Variants in SHTN1 observed in about 807,000 individuals in gnomAD.
SHTN1 encodes the protein shootin-1.
A neutral mutation model predicts 83.1 loss-of-function variants in SHTN1; 42 were observed. The observed-to-expected ratio is 0.51, with a 90% CI of 0.39 to 0.65. SHTN1 has a LOEUF of 0.65. Among genes scored for constraint, SHTN1 ranks in the 30% least tolerant of loss-of-function variants. The pLI is 0.00. For missense variants in SHTN1, 622 were observed against 737.8 expected (o/e 0.84, Z 1.82); for synonymous variants, 224 against 247.7 (o/e 0.90, Z 0.90).
chr10:117,113,171 T>G (rs1425121323), intron 1 of SHTN1, among the ~76,000 whole-genome samples: 2 of 152,334 alleles, frequency 1.3e-5, no homozygotes, highest in East Asian at 3.9e-4. Context: ...GAGGAGCCAT[T>G]CTTTGAGAAA....
chr10:116,941,381 T>C (rs2133398291), intron 8 of SHTN1, among the ~76,000 whole-genome samples: 1 of 152,380 alleles, frequency 6.6e-6, no homozygotes, highest in African/African-American at 2.4e-5. Flanking sequence ...GCAATTTATA[T>C]GTTATTCATC....
intron 1 of SHTN1, among the ~76,000 whole-genome samples, chr10:117,064,619 C>A (rs1271508817): frequency 1.4e-5 from 2 of 147,870 alleles, no homozygotes; most frequent in African/African-American, 5.0e-5. Context: ...CGTGCCACTG[C>A]ATTCCAGTCC....
chr10:117,099,043 C>CACA lies in SHTN1; in HGVS notation c.-189+27263_-189+27264insTGT, dbSNP rs975155213. Among the ~76,000 whole-genome samples the CACA allele has an allele frequency of 2.7e-3, 412 of 150,888 alleles. 2 individuals carry two copies. The highest frequency in any genetic ancestry group is 9.8e-3 in the African/African-American group (398 of 40,726). ...ACACACACACACACACACACACACA[C>CACA]ACCATAAAAAGGAACAAAATAATGT... On this transcript the variant is annotated intron_variant, in intron 1 of 17. Coordinates refer to the SHTN1 transcript ENST00000392901.
intron 8 of SHTN1, among the ~76,000 whole-genome samples, chr10:116,944,618 G>T (rs1376022045): frequency 6.6e-6 from 1 of 152,098 alleles, no homozygotes; most frequent in Non-Finnish European, 1.5e-5. Context: ...GGTTTTTACG[G>T]CTGGGCACGG....
At chr10:117,029,150 T>G (rs1054025602) in intron 2 of SHTN1, among the ~76,000 whole-genome samples, 1 of 152,200 alleles carries the variant, frequency 6.6e-6, no homozygotes, top group Non-Finnish European at 1.5e-5. Flanking sequence ...AGGAGATTAT[T>G]TTGGATCTTT....
intron 3 of SHTN1, 77 bp from the exon 4 acceptor site, chr10:116,960,307 G>C (rs777177591): frequency 5.0e-5 from 40 of 797,862 alleles, no homozygotes; most frequent in Non-Finnish European, 8.0e-5. Flanking sequence ...ATCGTCCCAT[G>C]ATTAAGAATA....
At chr10:116,934,123 C>T (rs1000480845) in intron 9 of SHTN1, among the ~76,000 whole-genome samples, 1 of 152,176 alleles carries the variant, frequency 6.6e-6, no homozygotes, top group South Asian at 2.1e-4. Context: ...TGCCTGTTCA[C>T]TCTGATGATA....
intron 1 of SHTN1, among the ~76,000 whole-genome samples, chr10:117,093,425 G>T (rs1415284323): frequency 6.6e-6 from 1 of 152,090 alleles, no homozygotes; most frequent in Non-Finnish European, 1.5e-5. Flanking sequence ...CATGCCTGTG[G>T]TTCCAGCTAC....
chr10:117,083,542 T>G (rs574730642), intron 1 of SHTN1, among the ~76,000 whole-genome samples: 1 of 152,096 alleles, frequency 6.6e-6, no homozygotes, highest in African/African-American at 2.4e-5. Flanking sequence ...AGGAGTATCT[T>G]TGTGGTGTTC....
intron 1 of SHTN1, among the ~76,000 whole-genome samples, chr10:117,072,589 G>A (rs1181674614): frequency 1.3e-5 from 2 of 152,176 alleles, no homozygotes; most frequent in African/African-American, 2.4e-5. Flanking sequence ...AGACTTGCTA[G>A]GTGGCTAGAC....
chr10:116,916,263 T>C (rs1484931929), intron 12 of SHTN1, among the ~76,000 whole-genome samples: 1 of 152,230 alleles, frequency 6.6e-6, no homozygotes, highest in African/African-American at 2.4e-5. Flanking sequence ...TTAAACTTAT[T>C]GATCAGAAAA....
At chr10:117,076,945 C>T (rs1853166050) in intron 1 of SHTN1, among the ~76,000 whole-genome samples, 1 of 152,076 alleles carries the variant, frequency 6.6e-6, no homozygotes, top group African/African-American at 2.4e-5. Context: ...ATTAGTGTTG[C>T]CTTTAGTGTG....
In SHTN1 at chr10:116,999,876, G is replaced by A. The variant is rs551647166; in HGVS notation, c.58+5146C>T. On this transcript the variant is annotated intron_variant, in intron 1 of 16. Transcript: ENST00000355371. ...TGCAGTGAGCCGAGACCACGCCATTGCACTCCAGCCTGGGTGACAGAGTGA... is the reference window on the plus strand; with the variant it reads ...TGCAGTGAGCCGAGACCACGCCATTACACTCCAGCCTGGGTGACAGAGTGA... Among the ~76,000 whole-genome samples the A allele has an allele frequency of 3.2e-4, 49 of 152,264 alleles. No homozygotes were observed. In the Middle Eastern group the frequency reaches 0.014, roughly 42 times the overall value.
intron 1 of SHTN1, among the ~76,000 whole-genome samples, chr10:117,084,933 G>A (rs774284101): frequency 5.5e-4 from 84 of 152,108 alleles, no homozygotes; most frequent in Admixed American, 9.8e-4. Context: ...TGCGCCCACT[G>A]TCTGGCACTC....
chr10:116,984,034 C>T (rs1004180335), intron 1 of SHTN1, among the ~76,000 whole-genome samples: 1 of 152,078 alleles, frequency 6.6e-6, no homozygotes, highest in Non-Finnish European at 1.5e-5. Context: ...AACTAAAGTT[C>T]GTAACTACAA....
intron 1 of SHTN1, among the ~76,000 whole-genome samples, chr10:117,071,264 T>C (rs947541453): frequency 6.6e-6 from 1 of 152,210 alleles, no homozygotes; most frequent in Non-Finnish European, 1.5e-5. Flanking sequence ...AATTTTATTA[T>C]ATTTGAAAGT....
intron 1 of SHTN1, among the ~76,000 whole-genome samples, chr10:117,070,631 GAGA>G (rs934842486): frequency 6.6e-6 from 1 of 151,416 alleles, no homozygotes; most frequent in Non-Finnish European, 1.5e-5. Context: ...TTCTTTTTCA[GAGA>G]AGAAGCACGC....
At chr10:116,902,039 A>G in intron 15 of SHTN1, 82 bp from the exon 16 acceptor site, 1 of 1,283,364 alleles carries the variant, frequency 7.8e-7, no homozygotes, top group Non-Finnish European at 1.1e-6. Context: ...ATTAGCTGAA[A>G]ATCCCTCAAG....
At chr10:117,076,728 C>T (rs1219740167) in intron 1 of SHTN1, among the ~76,000 whole-genome samples, 1 of 152,150 alleles carries the variant, frequency 6.6e-6, no homozygotes, top group East Asian at 1.9e-4. Context: ...CTTTGATTCA[C>T]AAAACCTGCA....
Sources: gnomAD v4.1 joint callset for allele counts (sites outside exome capture counted in the v4.1 genomes callset) on GRCh38, gnomAD v4.1.1 for gene constraint, MANE v1.5 for transcripts, NCBI Gene and HGNC (gene_info 2026-07-23, HGNC 2026-07-21) for gene names.